The following FRMD6 variants were observed in gnomAD, a reference collection of about 807,000 sequenced individuals.
FRMD6 encodes the protein FERM domain-containing protein 6.
A neutral mutation model predicts 73.2 loss-of-function variants in FRMD6; 37 were observed. The ratio of observed to expected loss-of-function variants is 0.51; its 90% CI spans 0.39 to 0.66. The LOEUF (loss-of-function observed/expected upper bound fraction) is 0.66. Ranked by LOEUF, FRMD6 falls within the 30% of genes least tolerant of loss-of-function variation. The pLI is 0.00. For missense variants in FRMD6, 714 were observed against 780.5 expected, an observed-to-expected ratio of 0.91 and a Z score of 1.02; for synonymous variants, 273 against 282.2, an observed-to-expected ratio of 0.97 and a Z score of 0.33.
intron 2 of FRMD6, among the ~76,000 whole-genome samples, chr14:51,619,713 A>G (rs780752196): frequency 3.3e-5 from 5 of 152,182 alleles, no homozygotes; most frequent in Non-Finnish European, 5.9e-5. Flanking sequence ...TGTGCCTTCT[A>G]GCAGCTCGTC....
the FRMD6 span, among the ~76,000 whole-genome samples, chr14:51,409,921 C>A: frequency 1.3e-5 from 2 of 152,148 alleles, no homozygotes; most frequent in African/African-American, 4.8e-5. Flanking sequence ...CCATCTTAGA[C>A]CATCTCCTTG....
chr14:51,407,888 T>G, the FRMD6 span, among the ~76,000 whole-genome samples: 1 of 152,162 alleles, frequency 6.6e-6, no homozygotes, highest in East Asian at 1.9e-4. Context: ...TATATATGCT[T>G]TGGCAGTTTG....
At chr14:51,691,872 G>C (rs1369839981) in intron 2 of FRMD6, among the ~76,000 whole-genome samples, 3 of 152,048 alleles carry the variant, frequency 2.0e-5, no homozygotes, top group African/African-American at 7.2e-5. Flanking sequence ...TAGGATTACA[G>C]GCGTGAGCCA....
At chr14:51,431,613 C>G in the FRMD6 span, among the ~76,000 whole-genome samples, 2 of 152,168 alleles carry the variant, frequency 1.3e-5, no homozygotes, top group Non-Finnish European at 2.9e-5. Context: ...ACTGAAACAT[C>G]ATAGATTTAG....
At chr14:51,486,031 T>C (rs903990707), upstream of FRMD6, among the ~76,000 whole-genome samples, 129 of 151,300 alleles carry the variant, frequency 8.5e-4, no homozygotes, top group Non-Finnish European at 4.9e-4. Flanking sequence ...CCTTTTCTTT[T>C]TTTTTTTTTT....
chr14:51,725,314 T>C (rs1419360881), intron 12 of FRMD6, among the ~76,000 whole-genome samples: 2 of 152,110 alleles, frequency 1.3e-5, no homozygotes, highest in Non-Finnish European at 2.9e-5. Context: ...TCTATCTGAC[T>C]TCAGAGGCCA....
rs114095976 is a variant in FRMD6, at chr14:51,594,920, G to A, written c.-147+24510G>A. On this transcript the variant is annotated intron_variant, in intron 2 of 14. Coordinates refer to the FRMD6 transcript ENST00000356218. ...GCAAAATTGGCTGCTTTGGATATTC[G>A]TTCCTTCCTTTGGAGATGGTGCCTT... is the stretch of plus-strand genomic sequence containing the variant. Among the ~76,000 whole-genome samples the A allele has an allele frequency of 4.7e-3, 717 of 152,322 alleles. 2 individuals carry two copies. The highest frequency in any genetic ancestry group is 0.012 in the African/African-American group (515 of 41,572).
At chr14:51,720,419 C>T (rs776476226) in intron 11 of FRMD6, 29 bp downstream of exon 11, 1 of 1,600,294 alleles carries the variant, frequency 6.2e-7, no homozygotes, top group Non-Finnish European at 8.6e-7. Context: ...CACTGGCTCT[C>T]TGTTTAGTCT....
chr14:51,725,922 T>G, intron 13 of FRMD6, 52 bp downstream of exon 13: 1 of 1,317,470 alleles, frequency 7.6e-7, no homozygotes, highest in Non-Finnish European at 1.1e-6. Context: ...TATAGAAAAT[T>G]TTAAGTAGTA....
the FRMD6 span, among the ~76,000 whole-genome samples, chr14:51,426,259 T>C: frequency 0.014 from 2,110 of 152,182 alleles, 34 homozygotes; most frequent in Middle Eastern, 0.048. Context: ...GATATCCTGA[T>C]TGTGTTTTCC....
intron 2 of FRMD6, among the ~76,000 whole-genome samples, chr14:51,595,319 T>C (rs934527932): frequency 5.3e-5 from 8 of 152,222 alleles, no homozygotes; most frequent in African/African-American, 1.9e-4. Flanking sequence ...AAATATGATG[T>C]ATTTTGTTAT....
At chr14:51,538,635 G>T (rs572935406) in intron 1 of FRMD6, among the ~76,000 whole-genome samples, 1 of 151,970 alleles carries the variant, frequency 6.6e-6, no homozygotes, top group Non-Finnish European at 1.5e-5. Context: ...TTGTTCTGGC[G>T]CAATTTATTA....
At chr14:51,481,041 T>C in the FRMD6 span, among the ~76,000 whole-genome samples, 1 of 152,200 alleles carries the variant, frequency 6.6e-6, no homozygotes, top group Non-Finnish European at 1.5e-5. Flanking sequence ...GAGCAAATAT[T>C]TGGGGGATAT....
chr14:51,638,302 T>C (rs72675807), intron 2 of FRMD6, among the ~76,000 whole-genome samples: 26,854 of 151,942 alleles, frequency 0.18, 2,531 homozygotes, highest in Middle Eastern at 0.28. Flanking sequence ...GTTTGCCAAA[T>C]TCCTTCCATG....
At chr14:51,408,632 A>G in the FRMD6 span, among the ~76,000 whole-genome samples, 2 of 152,116 alleles carry the variant, frequency 1.3e-5, no homozygotes, top group Non-Finnish European at 2.9e-5. Flanking sequence ...CCTCTTCTTC[A>G]TAATCGTTTT....
rs1037938810 is a variant in FRMD6 at position 51,728,185 on chromosome 14, C to T, written c.*156C>T. On this transcript the variant is annotated 3_prime_UTR_variant, in exon 14 of 14. Transcript: ENST00000344768. ...GATGATGGAAACAAAAGCCTTGGAACAATTGCACTTTAAGTATTACACAGA... is the reference window on the plus strand; with the variant it reads ...GATGATGGAAACAAAAGCCTTGGAATAATTGCACTTTAAGTATTACACAGA... 5.2e-5 allele frequency: 36 copies of T among 693,362 alleles called. No homozygotes were observed. The highest frequency in any genetic ancestry group is 9.0e-5 in the African/African-American group (5 of 55,720). The allele number at this position is 693,362 out of a possible 1,614,324, so 43.0% of individuals were successfully genotyped here. A position where few individuals can be genotyped will look rare whatever the true frequency, so the allele number is the denominator to read the frequency against.
chr14:51,674,280 C>T (rs1894229336), intron 1 of FRMD6, among the ~76,000 whole-genome samples: 1 of 152,208 alleles, frequency 6.6e-6, no homozygotes, highest in Non-Finnish European at 1.5e-5. Flanking sequence ...AATATAGGCA[C>T]TCCTCTCGAT....
chr14:51,497,207 G>A (rs1363370059), intron 1 of FRMD6, among the ~76,000 whole-genome samples: 3 of 151,498 alleles, frequency 2.0e-5, no homozygotes, highest in Admixed American at 6.6e-5. Context: ...CAACGCTCTG[G>A]GTTCTTGATT....
At chr14:51,683,743 C>T (rs919635671) in intron 1 of FRMD6, among the ~76,000 whole-genome samples, 1 of 152,194 alleles carries the variant, frequency 6.6e-6, no homozygotes, top group Non-Finnish European at 1.5e-5. Context: ...AGGTAACTTA[C>T]CGAAGGTCAC....
Sources: gnomAD v4.1 joint callset for allele counts (sites outside exome capture counted in the v4.1 genomes callset) on GRCh38, gnomAD v4.1.1 for gene constraint, MANE v1.5 for transcripts, NCBI Gene and HGNC (gene_info 2026-07-23, HGNC 2026-07-21) for gene names.